DMBX1: variants seen among roughly 807,000 people sequenced by gnomAD.
The protein encoded by DMBX1 is diencephalon/mesencephalon homeobox protein 1.
DMBX1 carries 7 observed loss-of-function variants against 30.4 expected under a neutral mutation model. That is an observed-to-expected ratio of 0.23 (90% CI 0.13 to 0.43). The LOEUF is 0.43. Among genes scored for constraint, DMBX1 ranks in the 20% least tolerant of loss-of-function variants. The pLI is 1.00. For synonymous variants in DMBX1, 222 were observed against 214.2 expected, an observed-to-expected ratio of 1.04 and a Z score of -0.32; for missense variants, 460 against 508.5, an observed-to-expected ratio of 0.90 and a Z score of 0.92.
rs1216648701 is a variant in DMBX1, at chr1:46,489,862, G to A, written c.-168G>A. On this transcript the variant is annotated 5_prime_UTR_variant, in exon 1 of 6. Coordinates refer to ENST00000360032, the MANE Select transcript of DMBX1 (RefSeq NM_172225.2). ...TAGATGGCAGCGGAGGCGGCGGCGC[G>A]GGCCGGGGTGACCAGGTACGAGCGG... Among the ~76,000 whole-genome samples the A allele has an allele frequency of 6.6e-6, 1 of 152,126 alleles. No individual in the cohort carries two copies. Among genetic ancestry groups the A allele is most frequent in the Admixed American group, 6.5e-5 (1 of 15,286 alleles).
At chr1:46,504,452 C>T (rs1343854106) in intron 2 of DMBX1, among the ~76,000 whole-genome samples, 3,344 of 85,736 alleles carry the variant, frequency 0.039, no homozygotes, top group African/African-American at 0.093. Context: ...GTTTTCCCAG[C>T]ACCATTTATT....
In DMBX1 at chr1:46,505,517, G is replaced by A. The variant is rs370276856; in HGVS notation, c.-12-1482G>A. Among the ~76,000 whole-genome samples, 84 of 146,690 alleles carry A rather than the reference G, an allele frequency of 5.7e-4. 3 individuals carry two copies. The South Asian group carries it at 0.016, about 28-fold the overall frequency. ...TCGCAAGAACAAAAAACCAAACACC[G>A]CATATTCTCACTCATAGGTGGGAAT... is the stretch of plus-strand genomic sequence containing the variant. On this transcript the variant is annotated intron_variant, in intron 2 of 5. Coordinates refer to ENST00000360032, the MANE Select transcript of DMBX1 (RefSeq NM_172225.2).
At chr1:46,509,008 A>G (rs920840146) in intron 3 of DMBX1, among the ~76,000 whole-genome samples, 4 of 151,818 alleles carry the variant, frequency 2.6e-5, no homozygotes, top group African/African-American at 9.7e-5. Flanking sequence ...TCTCTTTTTA[A>G]ACTGAAGAAG....
intron 2 of DMBX1, among the ~76,000 whole-genome samples, chr1:46,503,459 A>G (rs922003117): frequency 1.3e-4 from 20 of 152,216 alleles, no homozygotes; most frequent in African/African-American, 4.8e-4. Flanking sequence ...TATGTGTTGG[A>G]TGAATATGTG....
intron 2 of DMBX1, among the ~76,000 whole-genome samples, chr1:46,501,131 C>G (rs1353482551): frequency 1.3e-5 from 2 of 151,958 alleles, no homozygotes; most frequent in Non-Finnish European, 2.9e-5. Flanking sequence ...AATGACCTTT[C>G]TTTTCTTTTC....
intron 2 of DMBX1, among the ~76,000 whole-genome samples, chr1:46,504,516 G>C (rs1483854930): frequency 6.7e-6 from 1 of 149,420 alleles, no homozygotes; most frequent in Admixed American, 6.6e-5. Context: ...TCAAAGATCA[G>C]ATAGTTGTAG....
rs1231703539 is a variant in DMBX1, at chr1:46,493,509, C to T, written c.-13+2726C>T. Among the ~76,000 whole-genome samples, 1 of 152,238 alleles carries T rather than the reference C, an allele frequency of 6.6e-6. No individual in the cohort carries two copies. Among genetic ancestry groups the T allele is most frequent in the African/African-American group, 2.4e-5 (1 of 41,458 alleles). On this transcript the variant is annotated intron_variant, in intron 2 of 5. Transcript: ENST00000360032. This position sits in a 1 kb window ranked among gnomAD's most constrained non-coding sequence, Gnocchi z 4.1. ...TCCCAGATTGGACAGACCACAGATC[C>T]CAGCTCTGGTGGCTCTGGCCCCAAC...
At chr1:46,503,042 G>T (rs1232180933) in intron 2 of DMBX1, among the ~76,000 whole-genome samples, 1 of 152,236 alleles carries the variant, frequency 6.6e-6, no homozygotes, top group Non-Finnish European at 1.5e-5. Context: ...GAGCCCTCTG[G>T]CTAGCGGCCC....
chr1:46,493,933 G>C lies in DMBX1; in HGVS notation c.-13+3150G>C, dbSNP rs1665980318. Among the ~76,000 whole-genome samples, 1 of 152,238 alleles carries C rather than the reference G, an allele frequency of 6.6e-6. No individual in the cohort carries two copies. Among genetic ancestry groups the C allele is most frequent in the African/African-American group, 2.4e-5 (1 of 41,470 alleles). On this transcript the variant is annotated intron_variant, in intron 2 of 5. Coordinates refer to ENST00000360032, the MANE Select transcript of DMBX1 (RefSeq NM_172225.2). This position sits in a 1 kb window ranked among gnomAD's most constrained non-coding sequence, Gnocchi z 4.1. ...GTTTCCCAGCCCCGGCCTGGATCTG[G>C]ATGGCCAAAAGTGGACCAGGTCATC...
At chr1:46,489,922 G>A (rs902962325) in intron 1 of DMBX1, among the ~76,000 whole-genome samples, 45 bp downstream of exon 1, 1 of 152,192 alleles carries the variant, frequency 6.6e-6, no homozygotes, top group Non-Finnish European at 1.5e-5. Flanking sequence ...AGTAGTGCGG[G>A]ACAGTCGCTG....
Position 46,512,461 on chromosome 1 carries a change from G to A in DMBX1, c.1101G>A (p.Ala367=), listed in dbSNP as rs953308179. The A allele has an allele frequency of 1.4e-5, 23 of 1,613,052 alleles. No homozygotes were observed. Among genetic ancestry groups the A allele is most frequent in the African/African-American group, 1.1e-4 (8 of 74,890 alleles). ...TGCGGCTCCGGGCCAAGCAGCACGC[G>A]GCCTCCCTGGGACTCGATACGCTGC... The part of the protein sequence containing the change: ...ENLRLRAKQH[A]ASLGLDTLPN The change falls in exon 6 of 6, where the codon GCG becomes GCA. Residue 367 remains alanine (A), a synonymous_variant. Coordinates refer to ENST00000360032, the MANE Select transcript of DMBX1 (RefSeq NM_172225.2). The surrounding 1 kb of genome is among the most constrained non-coding windows in gnomAD (Gnocchi z 4.8).
chr1:46,505,815 C>T (rs1200559307), intron 2 of DMBX1, among the ~76,000 whole-genome samples: 1 of 151,246 alleles, frequency 6.6e-6, no homozygotes, highest in Non-Finnish European at 1.5e-5. Flanking sequence ...AATAAGCCTG[C>T]AGGAATGTGG....
intron 2 of DMBX1, among the ~76,000 whole-genome samples, chr1:46,501,502 C>T (rs969698277): frequency 3.3e-5 from 5 of 151,868 alleles, no homozygotes; most frequent in East Asian, 3.9e-4. Flanking sequence ...AGGCTGGTCT[C>T]GAACACTGAC....
Position 46,515,286 on chromosome 1 carries a change from G to A in DMBX1, c.*2792G>A, listed in dbSNP as rs924746192. Among the ~76,000 whole-genome samples, 1 of 152,168 alleles carries A rather than the reference G, an allele frequency of 6.6e-6. No homozygotes were observed. The highest frequency in any genetic ancestry group is 1.5e-5 in the Non-Finnish European group (1 of 68,022). ...AAAACAAAAAATAATCATCTGGATA[G>A]GTATGGGAAGCTTCCTAGCTGCTTT... On this transcript the variant is annotated 3_prime_UTR_variant, in exon 6 of 6. Transcript: ENST00000360032.
Position 46,511,127 on chromosome 1 carries a change from C to A in DMBX1, c.526C>A (p.Leu176Met). 6.2e-7 allele frequency: 1 copy of A among 1,614,032 alleles called. No homozygotes were observed. The highest frequency in any genetic ancestry group is 8.5e-7 in the Non-Finnish European group (1 of 1,180,018). Residue 176 changes from leucine to methionine, a missense_variant, in exon 5 of 6, where the codon CTG becomes ATG. Around this residue, in one of 3 missense-constraint regions of DMBX1, gnomAD observed 334 missense variants for 345.1 expected, o/e 0.97. Coordinates refer to ENST00000360032, the MANE Select transcript of DMBX1 (RefSeq NM_172225.2). ...CAGCGACCCCCCTGCTGAGCTTCAC[C>A]TGAGTCTGTCTGAGCAGTCAGCCAG... ...PGSDPPAELH[L>M]SLSEQSASES... is the part of the protein sequence containing the mutation.
intron 2 of DMBX1, among the ~76,000 whole-genome samples, chr1:46,498,442 T>C (rs1666064706): frequency 6.6e-6 from 1 of 152,258 alleles, no homozygotes; most frequent in Non-Finnish European, 1.5e-5. Context: ...TTATTTATTT[T>C]CTGTGTTGAT....
chr1:46,512,609 G>T lies in DMBX1; in HGVS notation c.*115G>T. The T allele has an allele frequency of 1.7e-5, 21 of 1,210,208 alleles. No individual in the cohort carries two copies. Among genetic ancestry groups the T allele is most frequent in the Non-Finnish European group, 2.3e-5 (20 of 883,672 alleles). The allele number at this position is 1,210,208 out of a possible 1,614,324, so 75.0% of individuals were successfully genotyped here. On this transcript the variant is annotated 3_prime_UTR_variant, in exon 6 of 6. Coordinates refer to ENST00000360032, the MANE Select transcript of DMBX1 (RefSeq NM_172225.2). This position sits in a 1 kb window ranked among gnomAD's most constrained non-coding sequence, Gnocchi z 4.8. ...TGAGCCCAGGGATCCTAGGGCCTGG[G>T]GTCCTGTTCCCTGCTCCGCTTCCCC...
At chr1:46,509,796 C>G (rs756877640) in intron 3 of DMBX1, among the ~76,000 whole-genome samples, 2 of 152,100 alleles carry the variant, frequency 1.3e-5, no homozygotes, top group Non-Finnish European at 2.9e-5. Flanking sequence ...GAGACGTGAG[C>G]CCTGCCACCC....
chr1:46,490,456 T>G (rs1345779971), intron 1 of DMBX1, among the ~76,000 whole-genome samples, 188 bp from the exon 2 acceptor site: 1 of 146,576 alleles, frequency 6.8e-6, no homozygotes. Flanking sequence ...GCCGGCGTAA[T>G]GCGGACCAGA....
Sources: allele counts gnomAD v4.1 joint callset (sites outside exome capture counted in the v4.1 genomes callset), GRCh38; gene constraint gnomAD v4.1.1; regional missense constraint gnomAD v4.1.1; non-coding constraint Gnocchi (gnomAD v3.1); transcripts MANE v1.5; gene names NCBI Gene and HGNC (gene_info 2026-07-23, HGNC 2026-07-21).